Variants in DIP2C observed in about 807,000 individuals in gnomAD.
DIP2C encodes the protein DIP2 acetate--CoA ligase C (putative).
A neutral mutation model predicts 192.4 loss-of-function variants in DIP2C; 33 were observed. That is an observed-to-expected ratio of 0.17 (90% CI 0.13 to 0.23). The LOEUF (loss-of-function observed/expected upper bound fraction) is 0.23. Ranked by LOEUF, DIP2C falls within the 10% of genes least tolerant of loss-of-function variation. The probability of loss-of-function intolerance (pLI) is 1.00; values close to 1 mark genes in which losing one functional copy is unlikely to be tolerated. For missense variants in DIP2C, 1,537 were observed against 2,110.1 expected, an observed-to-expected ratio of 0.73 and a Z score of 5.32; for synonymous variants, 979 against 864.1, an observed-to-expected ratio of 1.13 and a Z score of -2.33.
At chr10:476,179 G>C (rs1202338266) in intron 2 of DIP2C, among the ~76,000 whole-genome samples, 1 of 152,170 alleles carries the variant, frequency 6.6e-6, no homozygotes, top group East Asian at 1.9e-4. Flanking sequence ...ACACTCAAGA[G>C]TCTGGAGAAC....
intron 17 of DIP2C, among the ~76,000 whole-genome samples, chr10:381,666 T>A (rs538640690): frequency 2.0e-5 from 3 of 152,246 alleles, no homozygotes; most frequent in African/African-American, 7.2e-5. Context: ...TATTTCTGTC[T>A]GTGTCCTGGT....
chr10:620,068 T>C (rs1214207137), intron 1 of DIP2C, among the ~76,000 whole-genome samples: 1 of 152,196 alleles, frequency 6.6e-6, no homozygotes, highest in Non-Finnish European at 1.5e-5. Context: ...TGGATCACAA[T>C]TCACAGTAGT....
intron 1 of DIP2C, chr10:668,077 A>G (rs569589429): frequency 6.6e-6 from 1 of 152,308 alleles, no homozygotes; most frequent in East Asian, 1.9e-4. Flanking sequence ...CTCATACAAC[A>G]CACACAACAC....
chr10:346,496 ACG>A (rs1958466360), intron 26 of DIP2C, among the ~76,000 whole-genome samples: 1 of 103,446 alleles, frequency 9.7e-6, no homozygotes, highest in Non-Finnish European at 1.9e-5. Context: ...GAAACCCCAC[ACG>A]CACCCAGACA....
intron 1 of DIP2C, among the ~76,000 whole-genome samples, chr10:532,934 G>A (rs1004887954): frequency 1.2e-4 from 18 of 152,108 alleles, no homozygotes; most frequent in African/African-American, 3.4e-4. Context: ...GGGACCGCAC[G>A]TGCACACCAC....
At chr10:463,122 C>T (rs1969927535) in intron 3 of DIP2C, among the ~76,000 whole-genome samples, 1 of 151,450 alleles carries the variant, frequency 6.6e-6, no homozygotes, top group Admixed American at 6.6e-5. Flanking sequence ...AGGATGCCCT[C>T]TCTCAACATA....
chr10:574,987 G>A (rs1237131188), intron 1 of DIP2C, among the ~76,000 whole-genome samples: 7 of 152,144 alleles, frequency 4.6e-5, no homozygotes, highest in Non-Finnish European at 1.0e-4. Flanking sequence ...CTGCCCACGA[G>A]ACAGCAGAGG....
intron 24 of DIP2C, among the ~76,000 whole-genome samples, chr10:352,329 G>A (rs1442557208): frequency 6.6e-6 from 1 of 152,226 alleles, no homozygotes; most frequent in African/African-American, 2.4e-5. Flanking sequence ...CAAAGCATGA[G>A]TGTAACATGC....
At chr10:557,901 CG>C (rs1483142245) in intron 1 of DIP2C, among the ~76,000 whole-genome samples, 1 of 12,024 alleles carries the variant, frequency 8.3e-5, no homozygotes, top group South Asian at 3.4e-3. Flanking sequence ...CAGGGGCAGG[CG>C]GGGAAGGGGG....
In DIP2C at chr10:676,714, G is replaced by T. The variant is rs570956197; in HGVS notation, c.85+12780C>A. Reference sequence around the variant, plus strand: ...CCTCAGAAGAAATCTAACCAAGAGGGTTAAAGATCTCTATGAGGAAAATAA... The same window carrying T: ...CCTCAGAAGAAATCTAACCAAGAGGTTTAAAGATCTCTATGAGGAAAATAA... On this transcript the variant is annotated intron_variant, in intron 1 of 36. Transcript: ENST00000280886. Among the ~76,000 whole-genome samples the T allele has an allele frequency of 1.1e-3, 166 of 152,178 alleles. No homozygotes were observed. The South Asian group carries it at 0.014, about 13-fold the overall frequency.
intron 29 of DIP2C, among the ~76,000 whole-genome samples, chr10:330,281 G>A (rs1211176650): frequency 6.6e-6 from 1 of 152,140 alleles, no homozygotes; most frequent in African/African-American, 2.4e-5. Context: ...AAGAAATAGA[G>A]AAAAATAACG....
intron 1 of DIP2C, among the ~76,000 whole-genome samples, chr10:602,358 A>G (rs1588569552): frequency 1.3e-5 from 2 of 152,190 alleles, no homozygotes; most frequent in East Asian, 1.9e-4. Context: ...TAATGATACC[A>G]TCGCAGCCCT....
chr10:323,415 C>T (rs544817382), intron 31 of DIP2C, among the ~76,000 whole-genome samples: 7 of 106,980 alleles, frequency 6.5e-5, no homozygotes, highest in South Asian at 3.5e-4. Flanking sequence ...GAGAGACCGG[C>T]GCTGTTAGAA....
chr10:673,667 T>G (rs1300207259), intron 1 of DIP2C, among the ~76,000 whole-genome samples: 4 of 151,954 alleles, frequency 2.6e-5, no homozygotes, highest in Non-Finnish European at 4.4e-5. Flanking sequence ...CCTGTACTCA[T>G]GGGGCATGGG....
intron 26 of DIP2C, among the ~76,000 whole-genome samples, chr10:347,606 G>C (rs1373489384): frequency 1.7e-5 from 2 of 120,604 alleles, no homozygotes; most frequent in Non-Finnish European, 3.3e-5. Flanking sequence ...AGTTCTCCCG[G>C]AAACCCTACA....
At chr10:387,071 C>A (rs972229252) in intron 14 of DIP2C, among the ~76,000 whole-genome samples, 2 of 152,172 alleles carry the variant, frequency 1.3e-5, no homozygotes, top group Non-Finnish European at 2.9e-5. Context: ...CAATAGCAGG[C>A]CCCACCGACT....
chr10:545,166 C>CCCTTTTTTT (rs1554896881), intron 1 of DIP2C, among the ~76,000 whole-genome samples: 23 of 86,334 alleles, frequency 2.7e-4, no homozygotes, highest in African/African-American at 1.2e-3. Flanking sequence ...GGTGTTTTCC[C>CCCTTTTTTT]TTTTTTTTTT....
At chr10:451,398 T>G (rs1968835542) in intron 3 of DIP2C, among the ~76,000 whole-genome samples, 1 of 152,174 alleles carries the variant, frequency 6.6e-6, no homozygotes, top group African/African-American at 2.4e-5. Flanking sequence ...CCCAGAATAA[T>G]CATGTGGTCT....
At chr10:516,105 G>A (rs1304856277) in intron 1 of DIP2C, among the ~76,000 whole-genome samples, 1 of 150,450 alleles carries the variant, frequency 6.6e-6, no homozygotes, top group Non-Finnish European at 1.5e-5. Flanking sequence ...TGAAGCCACT[G>A]GCATGACTTG....
Sources: allele counts gnomAD v4.1 joint callset (sites outside exome capture counted in the v4.1 genomes callset), GRCh38; gene constraint gnomAD v4.1.1; transcripts MANE v1.5; gene names NCBI Gene and HGNC (gene_info 2026-07-23, HGNC 2026-07-21).